The following PPWD1 variants were observed in gnomAD, a reference collection of about 807,000 sequenced individuals.
The protein encoded by PPWD1 is peptidylprolyl isomerase domain and WD repeat containing 1.
In PPWD1, 43 loss-of-function variants were observed where a neutral mutation model predicts 68.8. That is an observed-to-expected ratio of 0.62 (90% CI 0.49 to 0.81). The LOEUF is 0.81. Ranked by LOEUF, PPWD1 falls within the 30% of genes least tolerant of loss-of-function variation. The pLI, the probability that PPWD1 is intolerant of heterozygous loss-of-function variation, is 0.00. For synonymous variants in PPWD1, 232 were observed against 258.7 expected (o/e 0.90, Z 0.99); for missense variants, 672 against 804.8 (o/e 0.83, Z 2.00).
intron 4 of PPWD1, 179 bp from the exon 5 acceptor site, chr5:65,571,660 G>A (rs975749749): frequency 2.7e-6 from 2 of 730,484 alleles, no homozygotes; most frequent in African/African-American, 1.9e-5. Context: ...GTCAGAAAGA[G>A]AAAAAATAAG....
At chr5:65,579,338 T>A (rs1753489547) in intron 6 of PPWD1, 86 bp from the exon 7 acceptor site, 1 of 1,384,410 alleles carries the variant, frequency 7.2e-7, no homozygotes, top group East Asian at 2.7e-5. Context: ...GATAAGATAG[T>A]TGATTCCCAG....
At chr5:65,569,609 C>A in intron 2 of PPWD1, 23 bp from the exon 3 acceptor site, 1 of 1,544,168 alleles carries the variant, frequency 6.5e-7, no homozygotes, top group Non-Finnish European at 8.9e-7. Context: ...TAGAAATTAA[C>A]TTTTAACATT....
In PPWD1 at chr5:65,569,979, A is replaced by G; in HGVS notation, c.502A>G (p.Ile168Val). Residue 168 changes from isoleucine (I) to valine (V), a missense_variant, in exon 4 of 11, where the codon ATC becomes GTC. Around this residue, in one of 2 missense-constraint regions of PPWD1, gnomAD observed 484 missense variants for 646.2 expected, o/e 0.75. Transcript: ENST00000261308. ...KVFDVVNFDM[I>V]NMLKLGYFPG... ...GTTTGATGTAGTGAACTTTGACATG[A>G]TCAACATGCTGAAACTTGGGTGAGT... 1.2e-6 allele frequency: 2 copies of G among 1,611,256 alleles called. No individual in the cohort carries two copies. Among genetic ancestry groups the G allele is most frequent in the South Asian group, 1.1e-5 (1 of 90,640 alleles).
chr5:65,564,089 G>A (rs1022787958), intron 1 of PPWD1: 2 of 515,826 alleles, frequency 3.9e-6, no homozygotes, highest in Non-Finnish European at 3.5e-6. Context: ...TTGATACGAT[G>A]GGCTGAGTCT....
chr5:65,583,021 T>G lies in PPWD1; in HGVS notation c.1351-17T>G, dbSNP rs1753664191. The stretch of plus-strand genomic sequence containing the variant: ...AAACTTTAATTCGTTGACTCACTTT[T>G]TACTTTCCTCCTTGAGTTTACCAAA... On this transcript the variant is annotated splice_polypyrimidine_tract_variant and intron_variant, in intron 7 of 10. Coordinates refer to ENST00000261308, the MANE Select transcript of PPWD1 (RefSeq NM_015342.4). The G allele has an allele frequency of 6.6e-7, 1 of 1,522,438 alleles. No homozygotes were observed. Among genetic ancestry groups the G allele is most frequent in the African/African-American group, 1.4e-5 (1 of 71,712 alleles). 94.3% of individuals were successfully genotyped at this position (1,522,438 alleles called of 1,614,324 possible).
At position 65,569,685 on chromosome 5, in the gene PPWD1, A is replaced by C. The variant is rs1314881181; in HGVS notation, c.353A>C (p.Lys118Thr). 3 of 1,609,776 alleles carry C rather than the reference A, an allele frequency of 1.9e-6. No individual in the cohort carries two copies. The highest frequency in any genetic ancestry group is 2.5e-6 in the Non-Finnish European group (3 of 1,177,254). Reference sequence around the variant, plus strand: ...GATGGACATGTCAAGTTCTGGAAAAAAATAGAAGAGGGAATTGAATTTGTT... The same window carrying C: ...GATGGACATGTCAAGTTCTGGAAAACAATAGAAGAGGGAATTGAATTTGTT... ...SHDGHVKFWK[K>T]IEEGIEFVKH... The change falls in exon 3 of 11, where the codon AAA becomes ACA. Residue 118 changes from lysine to threonine, a missense_variant. By Grantham distance (78) the Lys-to-Thr change is moderately conservative. Around this residue, in one of 2 missense-constraint regions of PPWD1, gnomAD observed 188 missense variants for 158.6 expected, o/e 1.19. Transcript: ENST00000261308.
intron 10 of PPWD1, 52 bp downstream of exon 10, chr5:65,586,233 A>G: frequency 6.5e-7 from 1 of 1,535,810 alleles, no homozygotes; most frequent in South Asian, 1.2e-5. Context: ...TTATGATGTA[A>G]GAGAGTGAAC....
At chr5:65,567,338 A>T in intron 1 of PPWD1, 175 bp from the exon 2 acceptor site, 1 of 679,750 alleles carries the variant, frequency 1.5e-6, no homozygotes, top group Non-Finnish European at 1.8e-6. Flanking sequence ...GCTCTGAAAT[A>T]ATAGACGTTA....
At chr5:65,564,318 C>CTTTTT (rs550753414) in intron 1 of PPWD1, among the ~76,000 whole-genome samples, 34 of 117,204 alleles carry the variant, frequency 2.9e-4, no homozygotes, top group East Asian at 4.9e-4. Flanking sequence ...TTTTCTCTCT[C>CTTTTT]TTTTTTTTTT....
intron 6 of PPWD1, 53 bp downstream of exon 6, chr5:65,577,122 T>C: frequency 1.9e-6 from 3 of 1,555,158 alleles, no homozygotes; most frequent in Non-Finnish European, 2.6e-6. Context: ...GGGGGACCAT[T>C]TCCTCCATCA....
At chr5:65,581,127 C>T (rs144320016) in intron 7 of PPWD1, among the ~76,000 whole-genome samples, 1 of 152,092 alleles carries the variant, frequency 6.6e-6, no homozygotes, top group East Asian at 1.9e-4. Flanking sequence ...ATAGCAGTTT[C>T]CCTACCCCAA....
chr5:65,579,241 A>C, intron 6 of PPWD1, 183 bp from the exon 7 acceptor site: 1 of 1,048,070 alleles, frequency 9.5e-7, no homozygotes, highest in Non-Finnish European at 1.3e-6. Flanking sequence ...TAACCTGAAA[A>C]TTATAGCTGC....
chr5:65,576,810 A>T, intron 5 of PPWD1, 69 bp from the exon 6 acceptor site: 13 of 1,524,072 alleles, frequency 8.5e-6, no homozygotes, highest in Non-Finnish European at 1.2e-5. Flanking sequence ...GCATATATAG[A>T]TAGATGGGTT....
At chr5:65,568,062 A>G (rs1160114816) in intron 2 of PPWD1, 1 of 110,682 alleles carries the variant, frequency 9.0e-6, no homozygotes, top group African/African-American at 3.4e-5. Context: ...TCCAAAATCC[A>G]ATAGTTTTTG....
At chr5:65,566,457 C>T (rs551675898) in intron 1 of PPWD1, among the ~76,000 whole-genome samples, 157 of 152,254 alleles carry the variant, frequency 1.0e-3, no homozygotes, top group Non-Finnish European at 1.5e-3. Context: ...AACATTTCCA[C>T]TTTTACTCAT....
intron 1 of PPWD1, 30 bp downstream of exon 1, chr5:65,563,536 T>G (rs1320915988): frequency 1.9e-6 from 3 of 1,585,396 alleles, no homozygotes; most frequent in Non-Finnish European, 2.6e-6. Flanking sequence ...CGGGACGAAT[T>G]GGAGTGCTGC....
intron 1 of PPWD1, among the ~76,000 whole-genome samples, chr5:65,567,060 T>C (rs1236834346): frequency 2.6e-5 from 4 of 152,212 alleles, no homozygotes; most frequent in African/African-American, 7.2e-5. Flanking sequence ...ATCAGTGCTT[T>C]AAATATTAAC....
chr5:65,567,400 A>G, intron 1 of PPWD1, 113 bp from the exon 2 acceptor site: 1 of 1,356,742 alleles, frequency 7.4e-7, no homozygotes, highest in East Asian at 2.6e-5. Flanking sequence ...AAAAACTAAA[A>G]TCCAGGAGAA....
chr5:65,583,006 T>G, intron 7 of PPWD1, 32 bp from the exon 8 acceptor site: 4 of 1,478,972 alleles, frequency 2.7e-6, no homozygotes, highest in Non-Finnish European at 3.6e-6. Context: ...AAACTTTAAT[T>G]CGTTGACTCA....
Sources: allele counts gnomAD v4.1 joint callset (sites outside exome capture counted in the v4.1 genomes callset), GRCh38; gene constraint gnomAD v4.1.1; regional missense constraint gnomAD v4.1.1; transcripts MANE v1.5; gene names NCBI Gene and HGNC (gene_info 2026-07-23, HGNC 2026-07-21).